The following SGCD variants were observed in gnomAD, a reference collection of about 807,000 sequenced individuals.
The protein encoded by SGCD is sarcoglycan delta, also known as delta-sarcoglycan.
In SGCD, 18 loss-of-function variants were observed where a neutral mutation model predicts 36.6. The ratio of observed to expected loss-of-function variants is 0.49; its 90% CI spans 0.34 to 0.73. The LOEUF is 0.73. SGCD is among the 30% of genes least tolerant of loss of function. The probability of loss-of-function intolerance (pLI) is 0.01; values close to 1 mark genes in which losing one functional copy is unlikely to be tolerated. For missense variants in SGCD, 387 were observed against 346.7 expected (o/e 1.12, Z -0.92); for synonymous variants, 133 against 130.6 (o/e 1.02, Z -0.12).
At chr5:156,391,496 A>G (rs1771567578) in intron 3 of SGCD, among the ~76,000 whole-genome samples, 1 of 152,240 alleles carries the variant, frequency 6.6e-6, no homozygotes, top group African/African-American at 2.4e-5. Context: ...GAAAAAGGAT[A>G]GTTGCATCTG....
At chr5:155,941,591 A>G (rs1757328645) in intron 1 of SGCD, among the ~76,000 whole-genome samples, 1 of 151,386 alleles carries the variant, frequency 6.6e-6, no homozygotes, top group South Asian at 2.1e-4. Context: ...TATTTAAATA[A>G]CTATAATTAC....
At chr5:156,372,820 A>T (rs1036940253) in intron 3 of SGCD, among the ~76,000 whole-genome samples, 4 of 151,954 alleles carry the variant, frequency 2.6e-5, no homozygotes, top group Admixed American at 6.6e-5. Context: ...GGGTGCTAAA[A>T]TTTTTTGTTC....
intron 3 of SGCD, among the ~76,000 whole-genome samples, chr5:156,279,943 A>G (rs1003196797): frequency 6.6e-6 from 1 of 151,996 alleles, no homozygotes; most frequent in Non-Finnish European, 1.5e-5. Flanking sequence ...TGGTTGGAGC[A>G]TAAGTTACAT....
intron 3 of SGCD, among the ~76,000 whole-genome samples, chr5:156,425,649 T>C (rs1773638511): frequency 6.6e-6 from 1 of 151,956 alleles, no homozygotes; most frequent in African/African-American, 2.4e-5. Context: ...GAGATTTTGG[T>C]GCACCCATCA....
At chr5:156,147,114 C>G (rs1161503256) in intron 3 of SGCD, among the ~76,000 whole-genome samples, 1 of 152,118 alleles carries the variant, frequency 6.6e-6, no homozygotes, top group Non-Finnish European at 1.5e-5. Flanking sequence ...TAATGTCCAC[C>G]ACAAAAGGCA....
At chr5:156,337,682 C>T (rs1768430244) in intron 2 of SGCD, among the ~76,000 whole-genome samples, 1 of 152,132 alleles carries the variant, frequency 6.6e-6, no homozygotes, top group Non-Finnish European at 1.5e-5. Flanking sequence ...AACTTTAGTT[C>T]TAGGGGTTTC....
At chr5:156,582,047 G>A (rs774165955) in intron 4 of SGCD, among the ~76,000 whole-genome samples, 35 of 152,068 alleles carry the variant, frequency 2.3e-4, no homozygotes, top group East Asian at 7.7e-4. Context: ...CTATTCAGCC[G>A]TCTTGGAATG....
chr5:156,723,645 G>A (rs947245319), intron 7 of SGCD, among the ~76,000 whole-genome samples: 1 of 152,212 alleles, frequency 6.6e-6, no homozygotes, highest in African/African-American at 2.4e-5. Flanking sequence ...CCCCTGAGGG[G>A]GTGATGCTTG....
the SGCD span, among the ~76,000 whole-genome samples, chr5:155,790,826 C>CT: frequency 6.6e-6 from 1 of 152,122 alleles, no homozygotes; most frequent in African/African-American, 2.4e-5. Context: ...TTATAGTACT[C>CT]TAAGTAGTAT....
intron 3 of SGCD, among the ~76,000 whole-genome samples, chr5:156,447,902 AT>A (rs1753817123): frequency 6.6e-6 from 1 of 152,112 alleles, no homozygotes; most frequent in Non-Finnish European, 1.5e-5. Flanking sequence ...TATTCTCATT[AT>A]TACCCTATGA....
intron 3 of SGCD, among the ~76,000 whole-genome samples, chr5:156,134,392 T>C (rs1762403305): frequency 6.6e-6 from 1 of 152,174 alleles, no homozygotes; most frequent in African/African-American, 2.4e-5. Context: ...TCCCATTCCA[T>C]TTGCCTTGTG....
chr5:156,546,923 A>G (rs1758598741), intron 4 of SGCD, among the ~76,000 whole-genome samples: 1 of 152,224 alleles, frequency 6.6e-6, no homozygotes, highest in South Asian at 2.1e-4. Flanking sequence ...AGGTAACTAG[A>G]TATAGTAAGG....
intron 3 of SGCD, among the ~76,000 whole-genome samples, chr5:156,300,465 A>G (rs959315074): frequency 2.6e-5 from 4 of 151,854 alleles, no homozygotes; most frequent in African/African-American, 9.7e-5. Flanking sequence ...GTTTTATTCT[A>G]TTGTTGTCAG....
intron 1 of SGCD, among the ~76,000 whole-genome samples, chr5:155,974,920 T>C (rs1758079313): frequency 6.6e-6 from 1 of 152,060 alleles, no homozygotes. Context: ...TATCTCTTCT[T>C]TTCCTTTCTG....
At chr5:156,247,965 CAG>C (rs1451414865) in intron 3 of SGCD, among the ~76,000 whole-genome samples, 1 of 152,168 alleles carries the variant, frequency 6.6e-6, no homozygotes, top group East Asian at 1.9e-4. Flanking sequence ...TCTGAAGGAA[CAG>C]AGTATGGTTC....
At chr5:156,417,398 C>A (rs57620638) in intron 3 of SGCD, among the ~76,000 whole-genome samples, 6 of 152,034 alleles carry the variant, frequency 3.9e-5, no homozygotes, top group Non-Finnish European at 8.8e-5. Flanking sequence ...GACAAGAATA[C>A]CTCACAGGTA....
the SGCD span, among the ~76,000 whole-genome samples, chr5:155,810,631 A>G: frequency 2.6e-5 from 4 of 152,058 alleles, no homozygotes; most frequent in Non-Finnish European, 5.9e-5. Context: ...CTAAATGTTG[A>G]TAAAATTCAT....
the SGCD span, among the ~76,000 whole-genome samples, chr5:155,752,682 AT>A: frequency 6.6e-6 from 1 of 152,172 alleles, no homozygotes; most frequent in Non-Finnish European, 1.5e-5. Flanking sequence ...TTTAATCAGT[AT>A]TTATCTTATA....
chr5:155,855,739 C>A, the SGCD span, among the ~76,000 whole-genome samples: 1 of 152,014 alleles, frequency 6.6e-6, no homozygotes, highest in Non-Finnish European at 1.5e-5. Context: ...GGTTGAGATT[C>A]AGAGAGGACA....
Sources: allele counts gnomAD v4.1 joint callset (sites outside exome capture counted in the v4.1 genomes callset), GRCh38; gene constraint gnomAD v4.1.1; transcripts MANE v1.5; gene names NCBI Gene and HGNC (gene_info 2026-07-23, HGNC 2026-07-21).